GMDS: variants seen among roughly 807,000 people sequenced by gnomAD.
The protein encoded by GMDS is GDP-mannose 4,6 dehydratase.
Under a neutral mutation model 49.9 loss-of-function variants are expected in GMDS, and 20 were observed. The ratio of observed to expected loss-of-function variants is 0.40; its 90% CI spans 0.28 to 0.58. The LOEUF (loss-of-function observed/expected upper bound fraction) is 0.58. Among genes scored for constraint, GMDS ranks in the 20% least tolerant of loss-of-function variants. The pLI, the probability that GMDS is intolerant of heterozygous loss-of-function variation, is 0.42. For synonymous variants in GMDS, 177 were observed against 178.6 expected, an observed-to-expected ratio of 0.99 and a Z score of 0.07; for missense variants, 362 against 481.4, an observed-to-expected ratio of 0.75 and a Z score of 2.32.
intron 9 of GMDS, among the ~76,000 whole-genome samples, chr6:1,647,979 T>C (rs921286460): frequency 6.6e-6 from 1 of 152,158 alleles, no homozygotes; most frequent in African/African-American, 2.4e-5. Flanking sequence ...TCCCTGATGC[T>C]CGGGTGCTCT....
At chr6:1,750,752 A>T (rs946095176) in intron 7 of GMDS, among the ~76,000 whole-genome samples, 1 of 152,136 alleles carries the variant, frequency 6.6e-6, no homozygotes, top group African/African-American at 2.4e-5. Flanking sequence ...AGAGGGCTGA[A>T]GCCAGGGAGC....
chr6:1,921,149 A>G (rs961473501), intron 7 of GMDS, among the ~76,000 whole-genome samples: 18 of 152,252 alleles, frequency 1.2e-4, no homozygotes, highest in Admixed American at 1.2e-3. Context: ...CCCATTTTAT[A>G]TGAACATGCA....
intron 7 of GMDS, among the ~76,000 whole-genome samples, chr6:1,837,091 G>A (rs1233860757): frequency 6.6e-6 from 1 of 152,176 alleles, no homozygotes; most frequent in Non-Finnish European, 1.5e-5. Context: ...GTCACTGTAA[G>A]TCTTTAAAAA....
intron 7 of GMDS, among the ~76,000 whole-genome samples, chr6:1,835,680 T>G (rs1441350988): frequency 6.6e-6 from 1 of 152,128 alleles, no homozygotes; most frequent in Admixed American, 6.5e-5. Flanking sequence ...ATCATTTAAT[T>G]TGTTGATTGT....
chr6:2,108,299 C>T (rs1017730578), intron 4 of GMDS, among the ~76,000 whole-genome samples: 4 of 152,092 alleles, frequency 2.6e-5, no homozygotes, highest in African/African-American at 9.7e-5. Context: ...GAAATTGTAG[C>T]AAATATTATT....
At chr6:1,960,010 T>C (rs2127295801) in intron 5 of GMDS, 39 bp from the exon 6 acceptor site, 4 of 1,218,126 alleles carry the variant, frequency 3.3e-6, no homozygotes, top group Admixed American at 1.9e-5. Context: ...AAGTTTGTTG[T>C]AAAAGACAGT....
intron 1 of GMDS, among the ~76,000 whole-genome samples, chr6:2,197,385 G>A (rs1433975170): frequency 6.6e-6 from 1 of 152,188 alleles, no homozygotes; most frequent in Non-Finnish European, 1.5e-5. Context: ...AGTTTCCTGA[G>A]GAAGGTAGAT....
At chr6:1,751,320 G>C (rs1277098925) in intron 7 of GMDS, among the ~76,000 whole-genome samples, 1 of 152,204 alleles carries the variant, frequency 6.6e-6, no homozygotes, top group Non-Finnish European at 1.5e-5. Context: ...TCACACAGGA[G>C]AGCTCCGGCT....
intron 9 of GMDS, among the ~76,000 whole-genome samples, chr6:1,668,207 A>G (rs139657826): frequency 1.0e-3 from 154 of 152,306 alleles, no homozygotes; most frequent in Non-Finnish European, 1.7e-3. Context: ...TAAAAAGTTT[A>G]TTCAGTTACT....
intron 7 of GMDS, among the ~76,000 whole-genome samples, chr6:1,776,545 A>C (rs1301493343): frequency 6.6e-6 from 1 of 151,582 alleles, no homozygotes; most frequent in Non-Finnish European, 1.5e-5. Context: ...AAAAAAATTT[A>C]GCTGAGCATG....
intron 4 of GMDS, among the ~76,000 whole-genome samples, chr6:2,082,540 T>G (rs1430937169): frequency 6.6e-6 from 1 of 152,206 alleles, no homozygotes; most frequent in African/African-American, 2.4e-5. Flanking sequence ...AAACTCAAAG[T>G]GCATTTCTTT....
intron 4 of GMDS, among the ~76,000 whole-genome samples, chr6:2,059,694 C>T (rs1482957829): frequency 2.7e-4 from 7 of 25,772 alleles, no homozygotes; most frequent in Non-Finnish European, 7.6e-5. Context: ...GGCGACAGAG[C>T]GAGACTCCGT....
chr6:1,853,517 C>CAAAA (rs34773610), intron 7 of GMDS, among the ~76,000 whole-genome samples: 11 of 70,372 alleles, frequency 1.6e-4, no homozygotes, highest in African/African-American at 3.1e-4. Flanking sequence ...GACTCCGTCT[C>CAAAA]AAAAAAAAAA....
intron 1 of GMDS, among the ~76,000 whole-genome samples, chr6:2,226,550 T>A (rs547579833): frequency 6.6e-6 from 1 of 152,158 alleles, no homozygotes; most frequent in Admixed American, 6.5e-5. Flanking sequence ...AACAGAGATA[T>A]TATAACCCTC....
At chr6:2,166,415 A>C (rs1481778261) in intron 1 of GMDS, among the ~76,000 whole-genome samples, 1 of 152,172 alleles carries the variant, frequency 6.6e-6, no homozygotes, top group Admixed American at 6.5e-5. Context: ...TATTACAATT[A>C]TCTCTTGTAG....
At chr6:1,679,454 C>G (rs577808855) in intron 9 of GMDS, 12 of 152,386 alleles carry the variant, frequency 7.9e-5, no homozygotes, top group Admixed American at 2.6e-4. Flanking sequence ...GCATGGTGCT[C>G]TATCTTCACT....
At chr6:1,864,586 T>C (rs1030921183) in intron 7 of GMDS, among the ~76,000 whole-genome samples, 5 of 152,174 alleles carry the variant, frequency 3.3e-5, no homozygotes, top group African/African-American at 1.2e-4. Context: ...CTTGGTTCAT[T>C]TAGTAGTGTT....
intron 1 of GMDS, among the ~76,000 whole-genome samples, chr6:2,174,035 A>G (rs911121260): frequency 2.6e-5 from 4 of 152,200 alleles, no homozygotes; most frequent in Admixed American, 2.6e-4. Flanking sequence ...TATTGAGTAA[A>G]ACCATGAGAC....
At chr6:2,198,217 G>A (rs1048036480) in intron 1 of GMDS, among the ~76,000 whole-genome samples, 1 of 152,184 alleles carries the variant, frequency 6.6e-6, no homozygotes, top group Non-Finnish European at 1.5e-5. Context: ...TAATTTCCTG[G>A]CCATGATGAC....
Sources: gnomAD v4.1 joint callset for allele counts (sites outside exome capture counted in the v4.1 genomes callset) on GRCh38, gnomAD v4.1.1 for gene constraint, MANE v1.5 for transcripts, NCBI Gene and HGNC (gene_info 2026-07-23, HGNC 2026-07-21) for gene names.